Variants in ZNF407 observed in about 807,000 individuals in gnomAD.
The protein encoded by ZNF407 is zinc finger protein 407.
A neutral mutation model predicts 131.2 loss-of-function variants in ZNF407; 17 were observed. The ratio of observed to expected loss-of-function variants is 0.13; its 90% confidence interval spans 0.09 to 0.19. The LOEUF (loss-of-function observed/expected upper bound fraction) is 0.19, where lower values mean the gene tolerates loss of function less well. ZNF407 is among the 10% of genes least tolerant of loss of function. ZNF407 has a pLI of 1.00. For synonymous variants in ZNF407, 1,156 were observed against 1,062.0 expected (o/e 1.09, Z -1.72); for missense variants, 2,681 against 2,830.6 (o/e 0.95, Z 1.20).
chr18:74,945,015 G>A (rs1042890870), intron 8 of ZNF407, among the ~76,000 whole-genome samples: 2 of 152,074 alleles, frequency 1.3e-5, no homozygotes, highest in Non-Finnish European at 2.9e-5. Flanking sequence ...AGCCAGCGAC[G>A]ACTCGTATGC....
intron 8 of ZNF407, among the ~76,000 whole-genome samples, chr18:74,999,008 T>C (rs7505418): frequency 0.17 from 1,996 of 11,630 alleles, 267 homozygotes; most frequent in African/African-American, 0.33. Context: ...CCATGGAATA[T>C]TATGCAGCCA....
chr18:75,004,161 C>T (rs567303615), intron 8 of ZNF407, among the ~76,000 whole-genome samples: 163 of 152,242 alleles, frequency 1.1e-3, no homozygotes, highest in African/African-American at 2.9e-3. Flanking sequence ...AGTTTGTGTG[C>T]GCCATGGCCT....
Position 74,964,580 on chromosome 18 carries a change from GTT to G in ZNF407, c.5428+43907_5428+43908del, listed in dbSNP as rs35373107. Among the ~76,000 whole-genome samples the G allele has an allele frequency of 1.8e-3, 217 of 118,596 alleles. 1 individual carries two copies. The highest frequency in any genetic ancestry group is 4.5e-3 in the African/African-American group (142 of 31,840). 77.8% of individuals were successfully genotyped at this position (118,596 alleles called of 152,430 possible). A position where few individuals can be genotyped will look rare whatever the true frequency, so the allele number is the denominator to read the frequency against. The stretch of plus-strand genomic sequence containing the variant: ...CTTGATTCAACAACCTATCATCCGG[GTT>G]TTTTTTTTTTTTTTTTTTGGGTCTT... On this transcript the variant is annotated intron_variant, in intron 8 of 8. Coordinates refer to ENST00000299687, the MANE Select transcript of ZNF407 (RefSeq NM_017757.3).
intron 4 of ZNF407, among the ~76,000 whole-genome samples, chr18:74,867,260 G>A (rs1183257148): frequency 1.3e-5 from 2 of 152,134 alleles, no homozygotes; most frequent in Non-Finnish European, 2.9e-5. Flanking sequence ...TTAGAAAACT[G>A]CTACTGTTTG....
Position 74,634,828 on chromosome 18 carries a change from T to C in ZNF407, c.3809T>C (p.Ile1270Thr). 1.2e-6 allele frequency: 2 copies of C among 1,613,882 alleles called. No homozygotes were observed. Among genetic ancestry groups the C allele is most frequent in the Non-Finnish European group, 1.7e-6 (2 of 1,179,836 alleles). ...AESPVLVVTR[I>T]TREQGNLESG... ...AGCCCTGTGCTCGTTGTGACAAGAA[T>C]AACCAGAGAACAGGGAAATCTGGAG... Residue 1270 changes from isoleucine (I) to threonine (T), a missense_variant, in exon 2 of 9, where the codon ATA (isoleucine) becomes ACA (threonine). Physicochemically the swap from Ile to Thr is moderately conservative, Grantham distance 89. Transcript: ENST00000299687.
At chr18:74,686,072 G>A (rs947630707) in intron 3 of ZNF407, among the ~76,000 whole-genome samples, 20 of 152,124 alleles carry the variant, frequency 1.3e-4, no homozygotes, top group African/African-American at 4.8e-4. Flanking sequence ...TATAGGTATG[G>A]CTTCCATATA....
At chr18:74,881,005 G>A (rs531520248) in intron 5 of ZNF407, 31 bp from the exon 6 acceptor site, 34 of 1,566,812 alleles carry the variant, frequency 2.2e-5, no homozygotes, top group African/African-American at 1.2e-4. Flanking sequence ...TGTGACCTCC[G>A]CAGTCCCTCA....
At chr18:74,756,243 G>A (rs564276727) in intron 3 of ZNF407, among the ~76,000 whole-genome samples, 2 of 152,144 alleles carry the variant, frequency 1.3e-5, no homozygotes, top group South Asian at 4.2e-4. Context: ...TTGCTTTGTA[G>A]TTGAAACATG....
Position 74,634,411 on chromosome 18 carries a change from A to G in ZNF407, c.3392A>G (p.Asn1131Ser), listed in dbSNP as rs774306925. 1.9e-6 allele frequency: 3 copies of G among 1,613,592 alleles called. No individual in the cohort carries two copies. Among genetic ancestry groups the G allele is most frequent in the South Asian group, 2.2e-5 (2 of 91,078 alleles). The stretch of plus-strand genomic sequence containing the variant: ...AATGCTGCAGATTGCTCTATTTTAA[A>G]TGAGAATACTAATTTAGATATGTCT... ...SRNAADCSILNENTNLDMSKV... is the reference protein window; with the variant it reads ...SRNAADCSILSENTNLDMSKV... The change falls in exon 2 of 9, where the codon AAT becomes AGT. Residue 1131 changes from asparagine to serine, a missense_variant. By Grantham distance (46) the Asn-to-Ser change is conservative. Transcript: ENST00000299687.
chr18:74,846,842 A>G (rs1452012619), intron 4 of ZNF407, among the ~76,000 whole-genome samples: 1 of 151,710 alleles, frequency 6.6e-6, no homozygotes, highest in East Asian at 2.0e-4. Flanking sequence ...AAAAGTAGAA[A>G]AATTAGCTGG....
chr18:74,867,070 T>C (rs1340335894), intron 4 of ZNF407, among the ~76,000 whole-genome samples: 5 of 143,506 alleles, frequency 3.5e-5, no homozygotes, highest in African/African-American at 5.2e-5. Context: ...AGATTAACAA[T>C]AAATAGTGAT....
intron 8 of ZNF407, among the ~76,000 whole-genome samples, chr18:74,976,831 C>T (rs757700238): frequency 1.3e-5 from 2 of 152,158 alleles, no homozygotes; most frequent in African/African-American, 4.8e-5. Flanking sequence ...TGTGGGTTTC[C>T]GATATGGAAC....
chr18:74,607,644 T>A lies in ZNF407; in HGVS notation c.-54+9707T>A, dbSNP rs897042125. On this transcript the variant is annotated intron_variant, in intron 1 of 8. Coordinates refer to ENST00000299687, the MANE Select transcript of ZNF407 (RefSeq NM_017757.3). ...GTTTTCTGTGAAAGGGTGTCCAGAT[T>A]GATTGCTAGAGTGTATAGGAGTGAA... is the stretch of plus-strand genomic sequence containing the variant. Among the ~76,000 whole-genome samples, 3 of 152,194 alleles carry A rather than the reference T, an allele frequency of 2.0e-5. No individual in the cohort carries two copies. In the East Asian group the frequency reaches 5.8e-4, roughly 29 times the overall value.
chr18:74,838,743 T>A (rs1970591681), intron 4 of ZNF407, among the ~76,000 whole-genome samples: 2 of 152,220 alleles, frequency 1.3e-5, no homozygotes, highest in African/African-American at 2.4e-5. Context: ...TGGAATTCCT[T>A]ACTCAGTGAA....
chr18:74,729,872 G>A (rs1206955657), intron 3 of ZNF407, among the ~76,000 whole-genome samples: 3 of 152,098 alleles, frequency 2.0e-5, no homozygotes, highest in Non-Finnish European at 4.4e-5. Flanking sequence ...AGTTTTGGCC[G>A]GCAATATAGA....
At chr18:74,716,094 C>T (rs184983480) in intron 3 of ZNF407, among the ~76,000 whole-genome samples, 23 of 152,338 alleles carry the variant, frequency 1.5e-4, no homozygotes, top group Non-Finnish European at 3.1e-4. Context: ...TACTGAAGTG[C>T]AAACATAGTT....
intron 8 of ZNF407, among the ~76,000 whole-genome samples, chr18:75,057,327 A>G (rs1973572833): frequency 6.6e-6 from 1 of 152,204 alleles, no homozygotes; most frequent in African/African-American, 2.4e-5. Flanking sequence ...CGTCTTTTTA[A>G]TGCCATCTTT....
At chr18:74,920,748 C>T in intron 8 of ZNF407, 56 bp downstream of exon 8, 1 of 1,535,240 alleles carries the variant, frequency 6.5e-7, no homozygotes, top group South Asian at 1.3e-5. Context: ...GTGATCACAG[C>T]AGTTATAATG....
intron 8 of ZNF407, among the ~76,000 whole-genome samples, chr18:74,968,152 A>G (rs1972429719): frequency 6.6e-6 from 1 of 152,116 alleles, no homozygotes; most frequent in Admixed American, 6.5e-5. Flanking sequence ...CTTTTGGAGT[A>G]TGTCTCTTTG....
Sources: gnomAD v4.1 joint callset for allele counts (sites outside exome capture counted in the v4.1 genomes callset) on GRCh38, gnomAD v4.1.1 for gene constraint, MANE v1.5 for transcripts, NCBI Gene and HGNC (gene_info 2026-07-23, HGNC 2026-07-21) for gene names.